LMX1B: variants seen among roughly 807,000 people sequenced by gnomAD.
LMX1B encodes the protein LIM homeobox transcription factor 1 beta.
LMX1B carries 12 observed loss-of-function variants against 51.4 expected under a neutral mutation model. That is an observed-to-expected ratio of 0.23 (90% CI 0.15 to 0.38). The LOEUF (loss-of-function observed/expected upper bound fraction) is 0.38. Among genes scored for constraint, LMX1B ranks in the 10% least tolerant of loss-of-function variants. LMX1B has a pLI of 1.00. For synonymous variants in LMX1B, 237 were observed against 235.4 expected (o/e 1.01, Z -0.06); for missense variants, 445 against 571.1 (o/e 0.78, Z 2.25).
At chr9:126,614,665 G>C in intron 1 of LMX1B, 77 bp downstream of exon 1, 2 of 1,396,388 alleles carry the variant, frequency 1.4e-6, no homozygotes, top group South Asian at 2.9e-5. Context: ...ACGGGCGTTG[G>C]GGCCAACGGA....
intron 3 of LMX1B, among the ~76,000 whole-genome samples, chr9:126,692,292 G>A (rs910452006): frequency 1.3e-5 from 2 of 152,188 alleles, no homozygotes; most frequent in Non-Finnish European, 2.9e-5. Flanking sequence ...GAGATCACCC[G>A]CCTCATACTC....
In LMX1B at chr9:126,614,109, GCCACCGCCA is replaced by G. The variant is rs1263483734; in HGVS notation, c.-338_-330del. 1.2e-4 allele frequency among the ~76,000 whole-genome samples: 14 copies of G among 115,062 alleles called. No homozygotes were observed. Among genetic ancestry groups the G allele is most frequent in the South Asian group, 3.0e-4 (1 of 3,320 alleles). 75.5% of individuals were successfully genotyped at this position (115,062 alleles called of 152,430 possible). On this transcript the variant is annotated 5_prime_UTR_variant, in exon 1 of 8. Coordinates refer to ENST00000373474, the MANE Select transcript of LMX1B (RefSeq NM_001174147.2). The stretch of plus-strand genomic sequence containing the variant: ...ACCCCCTCCCCCGCCTGCCGCCGCC[GCCACCGCCA>G]CCGCCGCCGCCGCCTCCTCCCCGCG...
intron 2 of LMX1B, among the ~76,000 whole-genome samples, chr9:126,622,017 T>G (rs1052552703): frequency 6.6e-6 from 1 of 152,176 alleles, no homozygotes; most frequent in East Asian, 1.9e-4. Flanking sequence ...CCCTGGATAA[T>G]ATTGTATCCA....
intron 2 of LMX1B, among the ~76,000 whole-genome samples, chr9:126,668,298 T>C (rs1241076457): frequency 1.3e-5 from 2 of 152,108 alleles, no homozygotes; most frequent in Non-Finnish European, 2.9e-5. Context: ...CAGCGCTTAC[T>C]GTCTCATCAC....
At chr9:126,653,946 G>T (rs560498239) in intron 2 of LMX1B, among the ~76,000 whole-genome samples, 51 of 152,114 alleles carry the variant, frequency 3.4e-4, no homozygotes, top group Middle Eastern at 3.4e-3. Flanking sequence ...AATCATTTCT[G>T]GAACTCTCCC....
chr9:126,672,383 CTG>C (rs1243431749), intron 2 of LMX1B, among the ~76,000 whole-genome samples: 4 of 152,252 alleles, frequency 2.6e-5, no homozygotes, highest in Non-Finnish European at 5.9e-5. Context: ...GGCTCACACA[CTG>C]TAGAGAGCTG....
At chr9:126,645,810 A>G (rs920296410) in intron 2 of LMX1B, among the ~76,000 whole-genome samples, 4 of 152,164 alleles carry the variant, frequency 2.6e-5, no homozygotes, top group African/African-American at 9.7e-5. Context: ...TCGAGTCCAA[A>G]GGGAGCCACA....
intron 2 of LMX1B, among the ~76,000 whole-genome samples, chr9:126,688,186 G>C (rs1408359546): frequency 6.6e-6 from 1 of 152,258 alleles, no homozygotes; most frequent in Non-Finnish European, 1.5e-5. Flanking sequence ...AGCCTTTGGA[G>C]AAGTATTAAT....
chr9:126,659,394 T>C (rs1836184556), intron 2 of LMX1B, among the ~76,000 whole-genome samples: 1 of 152,268 alleles, frequency 6.6e-6, no homozygotes, highest in African/African-American at 2.4e-5. Flanking sequence ...CCCAGGAGGC[T>C]GTCCTGTGCT....
At position 126,677,131 on chromosome 9, in the gene LMX1B, G is replaced by T. The variant is rs934562838; in HGVS notation, c.327-13705G>T. ...CGAAGGCCGAGCCCTGACCTGCCTC[G>T]CCTGCCCTTTGCCCGTCCCCAGCCA... On this transcript the variant is annotated intron_variant, in intron 2 of 7. Transcript: ENST00000373474. This position sits in a 1 kb window ranked among gnomAD's most constrained non-coding sequence, Gnocchi z 5.0. Among the ~76,000 whole-genome samples the T allele has an allele frequency of 6.6e-6, 1 of 152,170 alleles. No individual in the cohort carries two copies. The highest frequency in any genetic ancestry group is 6.5e-5 in the Admixed American group (1 of 15,284).
chr9:126,627,770 TG>T (rs948094921), intron 2 of LMX1B, among the ~76,000 whole-genome samples: 1 of 152,024 alleles, frequency 6.6e-6, no homozygotes, highest in African/African-American at 2.4e-5. Flanking sequence ...CCAGTAGAAA[TG>T]GGAAAACCAA....
intron 2 of LMX1B, among the ~76,000 whole-genome samples, chr9:126,685,330 G>A (rs1836750597): frequency 6.6e-6 from 1 of 152,154 alleles, no homozygotes; most frequent in Admixed American, 6.5e-5. Flanking sequence ...GGGTGTCACG[G>A]GGTGGGTGGG....
intron 2 of LMX1B, among the ~76,000 whole-genome samples, chr9:126,630,085 C>T (rs1835605746): frequency 6.9e-6 from 1 of 144,488 alleles, no homozygotes; most frequent in Non-Finnish European, 1.5e-5. Context: ...TGGCGTGAAC[C>T]CGGGAGACGG....
chr9:126,640,935 C>T (rs1419852190), intron 2 of LMX1B: 9 of 152,228 alleles, frequency 5.9e-5, no homozygotes, highest in South Asian at 4.1e-4. Flanking sequence ...CAGGACAGCT[C>T]GGGCCAGACT....
rs949769052 is a variant in LMX1B at position 126,613,953 on chromosome 9, C to T, written c.-497C>T. On this transcript the variant is annotated 5_prime_UTR_variant, in exon 1 of 8. Coordinates refer to ENST00000373474, the MANE Select transcript of LMX1B (RefSeq NM_001174147.2). This position sits in a 1 kb window ranked among gnomAD's most constrained non-coding sequence, Gnocchi z 4.5. ...AGCCCCAGCTCTAAACCCGGCGGCT[C>T]AGCGGGCGCACCATGGCACTGGAGT... is the stretch of plus-strand genomic sequence containing the variant. Among the ~76,000 whole-genome samples the T allele has an allele frequency of 8.9e-5, 13 of 146,378 alleles. No individual in the cohort carries two copies. The highest frequency in any genetic ancestry group is 8.1e-4 in the Admixed American group (12 of 14,744).
chr9:126,660,823 T>C (rs577940725), intron 2 of LMX1B, among the ~76,000 whole-genome samples: 3 of 152,266 alleles, frequency 2.0e-5, no homozygotes, highest in African/African-American at 7.2e-5. Flanking sequence ...ACCAAGCCAG[T>C]TGAAGTCAAT....
chr9:126,629,417 A>G (rs1835595760), intron 2 of LMX1B, among the ~76,000 whole-genome samples: 1 of 152,166 alleles, frequency 6.6e-6, no homozygotes, highest in Non-Finnish European at 1.5e-5. Flanking sequence ...CATGGCTTCC[A>G]TTATTATTTG....
chr9:126,617,680 C>CGA, intron 2 of LMX1B, among the ~76,000 whole-genome samples: 1 of 152,044 alleles, frequency 6.6e-6, no homozygotes, highest in East Asian at 1.9e-4. Flanking sequence ...GAAAGAGTCA[C>CGA]CTAACAGCCA....
chr9:126,688,758 G>A (rs999260392), intron 2 of LMX1B, among the ~76,000 whole-genome samples: 4 of 152,216 alleles, frequency 2.6e-5, no homozygotes, highest in Non-Finnish European at 4.4e-5. Flanking sequence ...ATGCCCTGCA[G>A]GCTGGTGGGG....
Sources: gnomAD v4.1 joint callset for allele counts (sites outside exome capture counted in the v4.1 genomes callset) on GRCh38, gnomAD v4.1.1 for gene constraint, Gnocchi (gnomAD v3.1) non-coding constraint, MANE v1.5 for transcripts, NCBI Gene and HGNC (gene_info 2026-07-23, HGNC 2026-07-21) for gene names.